The following UPP2 variants were observed in gnomAD, a reference collection of about 807,000 sequenced individuals.
UPP2 encodes the protein uridine phosphorylase 2.
A neutral mutation model predicts 26.7 loss-of-function variants in UPP2; 23 were observed. The observed-to-expected ratio is 0.86, with a 90% confidence interval of 0.62 to 1.22. The LOEUF is 1.22. UPP2 is among the 50% of genes most tolerant of loss of function. UPP2 has a pLI of 0.00. For missense variants in UPP2, 387 were observed against 396.7 expected, an observed-to-expected ratio of 0.98 and a Z score of 0.21; for synonymous variants, 127 against 141.3, an observed-to-expected ratio of 0.90 and a Z score of 0.72.
intron 3 of UPP2, among the ~76,000 whole-genome samples, chr2:158,020,898 C>T (rs1335562406): frequency 1.3e-5 from 2 of 152,180 alleles, no homozygotes; most frequent in African/African-American, 4.8e-5. Context: ...TATTTCTTGA[C>T]TCCAGGAAAA....
At chr2:158,069,623 G>C (rs1682505834) in intron 3 of UPP2, among the ~76,000 whole-genome samples, 1 of 152,110 alleles carries the variant, frequency 6.6e-6, no homozygotes, top group African/African-American at 2.4e-5. Context: ...AATCTCTCTG[G>C]TGAGGCATGT....
chr2:158,065,770 C>CA, intron 3 of UPP2: 1 of 692,656 alleles, frequency 1.4e-6, no homozygotes, highest in Non-Finnish European at 2.6e-6. Context: ...GATGGTGCAC[C>CA]ACCATCCAAC....
At chr2:157,998,070 G>A (rs940646740) in intron 2 of UPP2, among the ~76,000 whole-genome samples, 8 of 152,014 alleles carry the variant, frequency 5.3e-5, no homozygotes, top group Admixed American at 3.9e-4. Context: ...CATGGATATG[G>A]GTGTACTTAG....
At chr2:158,019,207 A>T (rs988350723) in intron 3 of UPP2, among the ~76,000 whole-genome samples, 8 of 152,196 alleles carry the variant, frequency 5.3e-5, no homozygotes, top group Admixed American at 3.9e-4. Flanking sequence ...AGGCCTTCCT[A>T]GAACTGGGGC....
At chr2:158,128,765 A>G (rs1683744866) in intron 6 of UPP2, among the ~76,000 whole-genome samples, 1 of 152,150 alleles carries the variant, frequency 6.6e-6, no homozygotes, top group African/African-American at 2.4e-5. Context: ...CTAAAAGTCA[A>G]TGCAGATTTT....
At chr2:158,022,331 C>T (rs936555627) in intron 3 of UPP2, among the ~76,000 whole-genome samples, 4 of 151,104 alleles carry the variant, frequency 2.6e-5, no homozygotes, top group East Asian at 2.0e-4. Context: ...TAGTGGCGGG[C>T]GCCTGTAATC....
At chr2:158,081,186 T>C (rs775231337) in intron 3 of UPP2, among the ~76,000 whole-genome samples, 12 of 151,852 alleles carry the variant, frequency 7.9e-5, no homozygotes, top group Non-Finnish European at 1.6e-4. Flanking sequence ...ACAGGACCAT[T>C]AGTCCAAACA....
intron 2 of UPP2, among the ~76,000 whole-genome samples, chr2:158,006,964 C>A (rs1476117968): frequency 6.6e-6 from 1 of 152,168 alleles, no homozygotes; most frequent in Non-Finnish European, 1.5e-5. Context: ...CAATGCAAAG[C>A]CTAGTGAGGA....
At chr2:158,051,157 A>G (rs917734183) in intron 3 of UPP2, among the ~76,000 whole-genome samples, 16 of 145,078 alleles carry the variant, frequency 1.1e-4, no homozygotes, top group South Asian at 4.5e-4. Flanking sequence ...CTCTAGGAAT[A>G]TGTGTGTGTG....
chr2:158,111,984 A>C (rs1338328426), intron 2 of UPP2, among the ~76,000 whole-genome samples: 1 of 152,180 alleles, frequency 6.6e-6, no homozygotes, highest in Admixed American at 6.5e-5. Context: ...AAGACATCCT[A>C]TGCTTATGGA....
chr2:158,113,691 G>A (rs146123125), intron 2 of UPP2, among the ~76,000 whole-genome samples: 98 of 152,274 alleles, frequency 6.4e-4, no homozygotes, highest in African/African-American at 2.1e-3. Flanking sequence ...GAATGGGGCC[G>A]CCTATTCTAT....
chr2:158,094,992 G>A (rs1040332785), intron 3 of UPP2, among the ~76,000 whole-genome samples: 1 of 152,270 alleles, frequency 6.6e-6, no homozygotes, highest in East Asian at 1.9e-4. Context: ...TCACCAGAAT[G>A]GCCAGTCACA....
intron 6 of UPP2, among the ~76,000 whole-genome samples, chr2:158,127,226 G>A (rs1391371701): frequency 1.3e-5 from 2 of 152,172 alleles, no homozygotes. Context: ...TCACAATGGT[G>A]TCATTCTATT....
Position 158,050,753 on chromosome 2 carries a change from A to G in UPP2, c.147+34867A>G, listed in dbSNP as rs376942282. On this transcript the variant is annotated intron_variant, in intron 3 of 9. Coordinates refer to the UPP2 transcript ENST00000605860. ...TTATTTGCTGCTGTCAAATGTGATT[A>G]TGGAATTTGAAACAGGGTGGAACTC... 2.0e-4 allele frequency among the ~76,000 whole-genome samples: 31 copies of G among 152,360 alleles called. No individual in the cohort carries two copies. In the East Asian group the frequency reaches 5.8e-3, roughly 28 times the overall value.
At chr2:158,110,754 T>C (rs1683302445) in intron 2 of UPP2, among the ~76,000 whole-genome samples, 1 of 152,224 alleles carries the variant, frequency 6.6e-6, no homozygotes, top group Non-Finnish European at 1.5e-5. Context: ...TTTGCATTTC[T>C]CTGATGGCCA....
intron 3 of UPP2, among the ~76,000 whole-genome samples, chr2:158,066,730 T>C (rs1258807039): frequency 6.6e-6 from 1 of 151,976 alleles, no homozygotes; most frequent in East Asian, 1.9e-4. Flanking sequence ...AAAATCTACA[T>C]TGTATAGAAG....
intron 3 of UPP2, among the ~76,000 whole-genome samples, chr2:158,032,055 C>T (rs182909150): frequency 2.6e-5 from 4 of 152,072 alleles, no homozygotes; most frequent in East Asian, 1.9e-4. Context: ...AGAGAGCTGC[C>T]GGAATGGTAC....
chr2:158,095,284 C>T lies in UPP2; in HGVS notation c.148-6756C>T, dbSNP rs183466723. 1.3e-3 allele frequency among the ~76,000 whole-genome samples: 195 copies of T among 152,200 alleles called. 1 individual carries two copies. Among genetic ancestry groups the T allele is most frequent in the African/African-American group, 4.5e-3 (187 of 41,542 alleles). The stretch of plus-strand genomic sequence containing the variant: ...GGACTGGGCCATCATTTTGATGGGG[C>T]CATCTTGTTCATCAGCATTCAAAGA... On this transcript the variant is annotated intron_variant, in intron 3 of 9. Coordinates refer to the UPP2 transcript ENST00000605860.
At chr2:158,011,912 A>G (rs952825298) in intron 2 of UPP2, among the ~76,000 whole-genome samples, 1 of 152,158 alleles carries the variant, frequency 6.6e-6, no homozygotes, top group Non-Finnish European at 1.5e-5. Flanking sequence ...TGAAGAAACC[A>G]CAAGGTTCCT....
Sources: gnomAD v4.1 joint callset for allele counts (sites outside exome capture counted in the v4.1 genomes callset) on GRCh38, gnomAD v4.1.1 for gene constraint, MANE v1.5 for transcripts, NCBI Gene and HGNC (gene_info 2026-07-23, HGNC 2026-07-21) for gene names.